The following F13A1 variants were observed in gnomAD, a reference collection of about 807,000 sequenced individuals.
F13A1 encodes FSF, A subunit.
F13A1 carries 47 observed loss-of-function variants against 80.1 expected under a neutral mutation model. The observed-to-expected ratio is 0.59, with a 90% CI of 0.46 to 0.75. The LOEUF is 0.75. Ranked by LOEUF, F13A1 falls within the 30% of genes least tolerant of loss-of-function variation. F13A1 has a pLI of 0.00. For synonymous variants in F13A1, 349 were observed against 344.9 expected, an observed-to-expected ratio of 1.01 and a Z score of -0.13; for missense variants, 817 against 930.4, an observed-to-expected ratio of 0.88 and a Z score of 1.59.
At chr6:6,311,277 T>C (rs373298475) in intron 2 of F13A1, among the ~76,000 whole-genome samples, 1 of 152,204 alleles carries the variant, frequency 6.6e-6, no homozygotes, top group South Asian at 2.1e-4. Context: ...TTATCTCATT[T>C]ACTGTAGGAT....
At chr6:6,283,337 T>C (rs1369733700) in intron 3 of F13A1, among the ~76,000 whole-genome samples, 1 of 152,238 alleles carries the variant, frequency 6.6e-6, no homozygotes, top group Non-Finnish European at 1.5e-5. Flanking sequence ...GACTAGCTTC[T>C]GTTGCTATAA....
chr6:6,263,515 G>T (rs1015736312), intron 4 of F13A1, among the ~76,000 whole-genome samples: 2 of 151,632 alleles, frequency 1.3e-5, no homozygotes, highest in African/African-American at 4.9e-5. Context: ...ACTCTTAATT[G>T]TTAATGACCC....
rs180856200 is a variant in F13A1 at position 6,226,759 on chromosome 6, T to A, written c.799-1899A>T. Among the ~76,000 whole-genome samples the A allele has an allele frequency of 5.8e-4, 88 of 152,336 alleles. No homozygotes were observed. The South Asian group carries it at 0.018, about 31-fold the overall frequency. On this transcript the variant is annotated intron_variant, in intron 6 of 14. Coordinates refer to ENST00000264870, the MANE Select transcript of F13A1 (RefSeq NM_000129.4). ...ATCACTTATATAGTCAACAAACATA[T>A]AGGAAATGTATATTTGAGTAAGAAT...
intron 12 of F13A1, among the ~76,000 whole-genome samples, 171 bp from the exon 13 acceptor site, chr6:6,167,789 T>G (rs1358046425): frequency 6.6e-6 from 1 of 152,180 alleles, no homozygotes; most frequent in Non-Finnish European, 1.5e-5. Context: ...CTGTCCTGCT[T>G]CTTAGGTAAA....
intron 6 of F13A1, among the ~76,000 whole-genome samples, chr6:6,238,354 A>G (rs758895725): frequency 5.3e-5 from 8 of 152,168 alleles, no homozygotes; most frequent in Non-Finnish European, 8.8e-5. Flanking sequence ...CCAAAAGGTA[A>G]CTCAAGATGG....
intron 6 of F13A1, 33 bp downstream of exon 6, chr6:6,248,278 TA>T: frequency 6.5e-7 from 1 of 1,545,942 alleles, no homozygotes; most frequent in Non-Finnish European, 8.9e-7. Flanking sequence ...ATGACAGGTG[TA>T]ACAGATTTTA....
intron 10 of F13A1, among the ~76,000 whole-genome samples, chr6:6,183,931 G>C (rs1277315886): frequency 6.6e-6 from 1 of 152,214 alleles, no homozygotes; most frequent in East Asian, 1.9e-4. Context: ...AACATGACTT[G>C]TAAATTTCAA....
intron 13 of F13A1, among the ~76,000 whole-genome samples, chr6:6,157,860 A>G (rs1760504009): frequency 1.3e-5 from 2 of 152,160 alleles, no homozygotes; most frequent in Admixed American, 1.3e-4. Flanking sequence ...CACAGAGCAA[A>G]TTATGTTTTA....
chr6:6,198,514 T>C (rs2151083005), intron 8 of F13A1, among the ~76,000 whole-genome samples: 1 of 152,320 alleles, frequency 6.6e-6, no homozygotes, highest in South Asian at 2.1e-4. Flanking sequence ...ATGTCAGCTG[T>C]TTGCCCATGC....
chr6:6,158,514 T>C (rs1561637877), intron 13 of F13A1, among the ~76,000 whole-genome samples: 1 of 152,110 alleles, frequency 6.6e-6, no homozygotes, highest in Non-Finnish European at 1.5e-5. Flanking sequence ...CTATGGAGAA[T>C]GACGTGGATT....
At chr6:6,285,709 A>C (rs1332041887) in intron 3 of F13A1, among the ~76,000 whole-genome samples, 1 of 152,230 alleles carries the variant, frequency 6.6e-6, no homozygotes, top group East Asian at 1.9e-4. Context: ...CAGGAATGGC[A>C]GGCGACCATC....
At chr6:6,285,121 C>A (rs1459286390) in intron 3 of F13A1, among the ~76,000 whole-genome samples, 1 of 152,144 alleles carries the variant, frequency 6.6e-6, no homozygotes, top group Non-Finnish European at 1.5e-5. Flanking sequence ...TGGTGGCGGG[C>A]ACCTGTAATC....
chr6:6,160,031 C>T (rs1378346882), intron 13 of F13A1, among the ~76,000 whole-genome samples: 3 of 151,882 alleles, frequency 2.0e-5, no homozygotes, highest in Non-Finnish European at 4.4e-5. Flanking sequence ...AATCCCAGCA[C>T]TTTGGGAGGC....
At chr6:6,312,650 C>A (rs1758621021) in intron 2 of F13A1, among the ~76,000 whole-genome samples, 2 of 68,450 alleles carry the variant, frequency 2.9e-5, no homozygotes, top group Admixed American at 3.0e-4. Flanking sequence ...TGCACTCCAG[C>A]CTGGGTGACA....
intron 8 of F13A1, among the ~76,000 whole-genome samples, chr6:6,216,132 C>T (rs1311977940): frequency 1.3e-5 from 2 of 151,556 alleles, no homozygotes; most frequent in Non-Finnish European, 2.9e-5. Context: ...ATGCCATCCC[C>T]ATCAAGCTAC....
rs1272909830 is a variant in F13A1, at chr6:6,243,396, T to C, written c.798+4916A>G. Among the ~76,000 whole-genome samples the C allele has an allele frequency of 6.6e-6, 1 of 152,112 alleles. No homozygotes were observed. Among genetic ancestry groups the C allele is most frequent in the Non-Finnish European group, 1.5e-5 (1 of 67,996 alleles). ...AAACACCACCACCATTATCATATCA[T>C]ATTTGGTACCTGATCGTCTTTGGAA... On this transcript the variant is annotated intron_variant, in intron 6 of 14. Coordinates refer to ENST00000264870, the MANE Select transcript of F13A1 (RefSeq NM_000129.4). The surrounding 1 kb of genome is among the most constrained non-coding windows in gnomAD (Gnocchi z 4.2).
intron 4 of F13A1, among the ~76,000 whole-genome samples, chr6:6,257,824 C>T (rs1023789470): frequency 2.0e-5 from 3 of 152,140 alleles, no homozygotes; most frequent in African/African-American, 7.2e-5. Flanking sequence ...TGGTTAAGGG[C>T]TTTTTAGTGT....
chr6:6,177,249 C>T (rs1183036859), intron 11 of F13A1, among the ~76,000 whole-genome samples: 3 of 152,136 alleles, frequency 2.0e-5, no homozygotes, highest in Non-Finnish European at 4.4e-5. Flanking sequence ...TTATGTTGGA[C>T]GAAGCCTCTC....
intron 3 of F13A1, among the ~76,000 whole-genome samples, chr6:6,285,559 C>T (rs573865474): frequency 6.6e-6 from 1 of 152,308 alleles, no homozygotes; most frequent in Admixed American, 6.5e-5. Context: ...TGCTCATGAA[C>T]AGACACAAAA....
Sources: gnomAD v4.1 joint callset for allele counts (sites outside exome capture counted in the v4.1 genomes callset) on GRCh38, gnomAD v4.1.1 for gene constraint, Gnocchi (gnomAD v3.1) non-coding constraint, MANE v1.5 for transcripts, NCBI Gene and HGNC (gene_info 2026-07-23, HGNC 2026-07-21) for gene names.